The following DAAM2 variants were observed in gnomAD, a reference collection of about 807,000 sequenced individuals.
DAAM2 encodes disheveled-associated activator of morphogenesis 2.
A neutral mutation model predicts 120.7 loss-of-function variants in DAAM2; 39 were observed. That is an observed-to-expected ratio of 0.32 (90% CI 0.25 to 0.42). The LOEUF (loss-of-function observed/expected upper bound fraction) is 0.42, where lower values mean the gene tolerates loss of function less well. Among genes scored for constraint, DAAM2 ranks in the 10% least tolerant of loss-of-function variants. The pLI, the probability that DAAM2 is intolerant of heterozygous loss-of-function variation, is 1.00. For missense variants in DAAM2, 1,283 were observed against 1,401.7 expected (o/e 0.92, Z 1.35); for synonymous variants, 488 against 524.9 (o/e 0.93, Z 0.96).
At chr6:39,859,194 TAGGAA>T (rs1764119797) in intron 2 of DAAM2, among the ~76,000 whole-genome samples, 1 of 152,170 alleles carries the variant, frequency 6.6e-6, no homozygotes, top group African/African-American at 2.4e-5. Context: ...CACTGTGCCC[TAGGAA>T]TTAGACCAGG....
rs1766628596 is a variant in DAAM2, at chr6:39,903,852, C to T, written c.*1815C>T. The T allele has an allele frequency of 3.7e-6, 1 of 267,024 alleles. No individual in the cohort carries two copies. The highest frequency in any genetic ancestry group is 4.9e-5 in the Admixed American group (1 of 20,266). The allele number at this position is 267,024 out of a possible 1,614,324, so 16.5% of individuals were successfully genotyped here. On this transcript the variant is annotated 3_prime_UTR_variant, in exon 25 of 25. Coordinates refer to ENST00000274867, the MANE Select transcript of DAAM2 (RefSeq NM_001201427.2). ...TGGGAGGGATCTGAGCAAGTGCAAG[C>T]CTGGCTGACACAGGTGTGAAGAGGC...
At chr6:39,899,050 C>A in intron 22 of DAAM2, 113 bp downstream of exon 22, 1 of 492,010 alleles carries the variant, frequency 2.0e-6, no homozygotes, top group Non-Finnish European at 3.3e-6. Context: ...CAGCCTCTAG[C>A]ACAGGGTCAG....
intron 1 of DAAM2, among the ~76,000 whole-genome samples, chr6:39,824,362 G>T (rs1413095593): frequency 6.6e-6 from 1 of 152,166 alleles, no homozygotes; most frequent in Non-Finnish European, 1.5e-5. Flanking sequence ...TCACCTGTTG[G>T]TTGCTGTGGC....
intron 21 of DAAM2, 107 bp from the exon 22 acceptor site, chr6:39,898,770 G>T: frequency 1.1e-6 from 1 of 940,458 alleles, no homozygotes; most frequent in South Asian, 1.4e-5. Context: ...CAGGCTCACC[G>T]ACTCCCAGGC....
chr6:39,881,550 T>C (rs556666862), intron 14 of DAAM2, among the ~76,000 whole-genome samples: 8 of 147,468 alleles, frequency 5.4e-5, no homozygotes, highest in Non-Finnish European at 8.8e-5. Context: ...AACCCCATCT[T>C]TACTAAAAAT....
At chr6:39,856,131 A>G (rs1276401479) in intron 1 of DAAM2, 116 bp from the exon 2 acceptor site, 5 of 1,255,038 alleles carry the variant, frequency 4.0e-6, no homozygotes, top group African/African-American at 1.6e-5. Flanking sequence ...GGGCTTTGCT[A>G]TTGGGTTGAG....
intron 19 of DAAM2, among the ~76,000 whole-genome samples, chr6:39,893,312 T>G (rs1002497438): frequency 6.6e-6 from 1 of 152,096 alleles, no homozygotes; most frequent in Non-Finnish European, 1.5e-5. Flanking sequence ...GTCAGGAGAT[T>G]GAGACCACTC....
At chr6:39,858,296 G>C (rs1296668088) in intron 2 of DAAM2, among the ~76,000 whole-genome samples, 2 of 152,192 alleles carry the variant, frequency 1.3e-5, no homozygotes, top group East Asian at 1.9e-4. Flanking sequence ...GCTAAAGAAG[G>C]GTTCTGGGTT....
Position 39,867,912 on chromosome 6 carries a change from C to T in DAAM2, c.762+69C>T, listed in dbSNP as rs897136761. On this transcript the variant is annotated intron_variant, in intron 6 of 24. Transcript: ENST00000274867. ...GAGGATGTCACATGTGAGTGAGAGC[C>T]TGAAGATTCTTTGCAGCAGAAACTG... 1.1e-5 allele frequency: 15 copies of T among 1,337,994 alleles called. No individual in the cohort carries two copies. The African/African-American group carries it at 2.2e-4, about 19-fold the overall frequency. The allele number at this position is 1,337,994 out of a possible 1,614,324, so 82.9% of individuals were successfully genotyped here.
chr6:39,802,550 ATAGT>A (rs1459367283), intron 1 of DAAM2, among the ~76,000 whole-genome samples: 2 of 152,284 alleles, frequency 1.3e-5, no homozygotes, highest in East Asian at 3.9e-4. Context: ...GGTGGTGAAG[ATAGT>A]AGAGAACAGA....
At chr6:39,859,031 C>T (rs1764113971) in intron 2 of DAAM2, among the ~76,000 whole-genome samples, 2 of 152,128 alleles carry the variant, frequency 1.3e-5, no homozygotes, top group African/African-American at 4.8e-5. Flanking sequence ...AGCAAAACCA[C>T]CATTGATTTA....
At chr6:39,899,961 GTTC>G (rs1766372831) in intron 22 of DAAM2, 113 bp from the exon 23 acceptor site, 2 of 1,124,496 alleles carry the variant, frequency 1.8e-6, no homozygotes, top group South Asian at 1.7e-5. Flanking sequence ...GATGCAGGGT[GTTC>G]CCTCTTCCAA....
intron 1 of DAAM2, among the ~76,000 whole-genome samples, chr6:39,830,478 G>A (rs1300423408): frequency 6.6e-6 from 1 of 152,148 alleles, no homozygotes; most frequent in Non-Finnish European, 1.5e-5. Flanking sequence ...CTTGTGCTGA[G>A]GCCTGCGTCT....
chr6:39,847,707 G>A (rs915123457), intron 1 of DAAM2, among the ~76,000 whole-genome samples: 8 of 151,878 alleles, frequency 5.3e-5, no homozygotes, highest in Admixed American at 3.9e-4. Flanking sequence ...TATTCTTGGC[G>A]GTTCAGGGTC....
chr6:39,884,963 T>C (rs916516658), intron 15 of DAAM2: 1 of 152,080 alleles, frequency 6.6e-6, no homozygotes, highest in Admixed American at 6.6e-5. Context: ...GGGAATTGCT[T>C]TATCTCTGGC....
chr6:39,902,929 G>A lies in DAAM2; in HGVS notation c.*892G>A, dbSNP rs533450917. The A allele has an allele frequency of 3.9e-5, 6 of 152,592 alleles. No individual in the cohort carries two copies. Among genetic ancestry groups the A allele is most frequent in the South Asian group, 2.1e-4 (1 of 4,830 alleles). 9.5% of individuals were successfully genotyped at this position (152,592 alleles called of 1,614,324 possible). ...CTGGCCATTGTTGTGAAGCCAGACA[G>A]TGACCTCAAATGTTGCCTTGGAGTC... On this transcript the variant is annotated 3_prime_UTR_variant, in exon 25 of 25. Coordinates refer to ENST00000274867, the MANE Select transcript of DAAM2 (RefSeq NM_001201427.2).
At chr6:39,850,739 T>C (rs1215735727) in intron 1 of DAAM2, among the ~76,000 whole-genome samples, 1 of 152,170 alleles carries the variant, frequency 6.6e-6, no homozygotes, top group African/African-American at 2.4e-5. Context: ...ATTATCAGTA[T>C]AATACCTGGT....
chr6:39,869,217 C>A (rs530019722), intron 7 of DAAM2, among the ~76,000 whole-genome samples: 1 of 152,178 alleles, frequency 6.6e-6, no homozygotes, highest in South Asian at 2.1e-4. Flanking sequence ...TGGTCATGTT[C>A]TTCTAGTGCC....
intron 1 of DAAM2, among the ~76,000 whole-genome samples, chr6:39,803,072 C>T (rs751977472): frequency 5.2e-4 from 79 of 152,282 alleles, no homozygotes; most frequent in Non-Finnish European, 9.6e-4. Flanking sequence ...ACATACTTTA[C>T]TTTTTCCATT....
Sources: allele counts gnomAD v4.1 joint callset (sites outside exome capture counted in the v4.1 genomes callset), GRCh38; gene constraint gnomAD v4.1.1; transcripts MANE v1.5; gene names NCBI Gene and HGNC (gene_info 2026-07-23, HGNC 2026-07-21).